JAKMIP3: variants seen among roughly 807,000 people sequenced by gnomAD.
JAKMIP3 encodes the protein janus kinase and microtubule-interacting protein 3.
JAKMIP3 carries 58 observed loss-of-function variants against 118.5 expected under a neutral mutation model. That is an observed-to-expected ratio of 0.49 (90% CI 0.40 to 0.61). JAKMIP3 has a LOEUF of 0.61. Ranked by LOEUF, JAKMIP3 falls within the 20% of genes least tolerant of loss-of-function variation. JAKMIP3 has a pLI of 0.00. For missense variants in JAKMIP3, 950 were observed against 1,109.0 expected (o/e 0.86, Z 2.04); for synonymous variants, 486 against 451.2 (o/e 1.08, Z -0.98).
At chr10:132,050,427 G>A (rs548013629) in intron 1 of JAKMIP3, among the ~76,000 whole-genome samples, 8 of 152,262 alleles carry the variant, frequency 5.3e-5, no homozygotes, top group East Asian at 1.9e-4. Flanking sequence ...GGTTTCTGCC[G>A]GTCGCCTTTG....
chr10:132,165,052 C>T (rs1413479144), intron 21 of JAKMIP3, among the ~76,000 whole-genome samples: 13 of 152,368 alleles, frequency 8.5e-5, no homozygotes, highest in South Asian at 4.1e-4. Context: ...CTGGAGCCAA[C>T]GGCCTCGGGT....
chr10:132,169,955 T>A (rs1447343750), intron 23 of JAKMIP3: 1 of 152,304 alleles, frequency 6.6e-6, no homozygotes, highest in African/African-American at 2.4e-5. Context: ...CGAGGCGGCG[T>A]CCTCGCGGGG....
intron 1 of JAKMIP3, among the ~76,000 whole-genome samples, chr10:132,047,223 T>C (rs1037994998): frequency 2.0e-5 from 3 of 152,284 alleles, no homozygotes; most frequent in Non-Finnish European, 4.4e-5. Flanking sequence ...TGGACTGATA[T>C]AAAGTTGTTT....
intron 1 of JAKMIP3, among the ~76,000 whole-genome samples, chr10:132,045,640 A>G (rs2037885029): frequency 6.6e-6 from 1 of 152,238 alleles, no homozygotes. Flanking sequence ...TTTCAAGAAT[A>G]TACTTTAGCT....
chr10:132,130,610 G>T (rs983870544), intron 3 of JAKMIP3, among the ~76,000 whole-genome samples: 5 of 152,182 alleles, frequency 3.3e-5, no homozygotes, highest in African/African-American at 1.2e-4. Flanking sequence ...ACCTGCTCGG[G>T]GGTTGCAGGT....
At chr10:132,167,849 G>C in intron 22 of JAKMIP3, 104 bp from the exon 23 acceptor site, 12 of 387,738 alleles carry the variant, frequency 3.1e-5, no homozygotes, top group Non-Finnish European at 4.4e-5. Context: ...CTCGCCCCTC[G>C]CCCCTCACCC....
intron 5 of JAKMIP3, 121 bp from the exon 6 acceptor site, chr10:132,135,808 CA>C: frequency 9.0e-7 from 1 of 1,109,782 alleles, no homozygotes; most frequent in Non-Finnish European, 1.3e-6. Context: ...GTGGACTTCC[CA>C]AGTAGAGGGC....
intron 19 of JAKMIP3, among the ~76,000 whole-genome samples, chr10:132,159,081 GTT>G (rs2057457542): frequency 6.8e-6 from 1 of 146,984 alleles, no homozygotes. Flanking sequence ...TGACGCTGGG[GTT>G]GTGTCTTCCC....
intron 1 of JAKMIP3, among the ~76,000 whole-genome samples, chr10:132,083,390 T>C (rs954740166): frequency 6.6e-6 from 1 of 152,208 alleles, no homozygotes; most frequent in Non-Finnish European, 1.5e-5. Flanking sequence ...CGTTTTTTTC[T>C]TGCTAATTTG....
At chr10:132,038,878 G>A (rs1043018973) in intron 1 of JAKMIP3, among the ~76,000 whole-genome samples, 14 of 152,202 alleles carry the variant, frequency 9.2e-5, no homozygotes, top group Middle Eastern at 3.4e-3. Context: ...GTTACGGGGT[G>A]TGGGTGTCCC....
At chr10:132,147,262 C>T (rs1414762783) in intron 13 of JAKMIP3, among the ~76,000 whole-genome samples, 1 of 152,218 alleles carries the variant, frequency 6.6e-6, no homozygotes, top group Non-Finnish European at 1.5e-5. Context: ...CAGAGCAGGT[C>T]CCTCAGTCCC....
Position 132,180,544 on chromosome 10 carries a change from T to TGC in JAKMIP3, c.*1104-1811_*1104-1810dup, listed in dbSNP as rs1554962747. Among the ~76,000 whole-genome samples the TGC allele has an allele frequency of 1.9e-4, 5 of 25,986 alleles. No homozygotes were observed. In the South Asian group the frequency reaches 5.7e-3, roughly 30 times the overall value. 17.0% of individuals were successfully genotyped at this position (25,986 alleles called of 152,430 possible). ...AGAACTGTGTGTGTGTGTGTGTGTG[T>TGC]GCGTGCGTGCATGCGTGTGTGTGCG... On this transcript the variant is annotated intron_variant, in intron 23 of 23. Coordinates refer to ENST00000684848, the MANE Select transcript of JAKMIP3 (RefSeq NM_001323087.2).
upstream of JAKMIP3, among the ~76,000 whole-genome samples, chr10:132,065,787 C>CCT (rs1159622681): frequency 6.6e-6 from 1 of 151,926 alleles, no homozygotes; most frequent in African/African-American, 2.4e-5. This position sits in a 1 kb window ranked among gnomAD's most constrained non-coding sequence, Gnocchi z 5.6. Flanking sequence ...TCAGAGGATG[C>CCT]CTCTGTGCTT....
At chr10:132,134,937 C>T (rs1005428849) in intron 4 of JAKMIP3, 104 bp from the exon 5 acceptor site, 71 of 1,385,564 alleles carry the variant, frequency 5.1e-5, no homozygotes, top group East Asian at 4.2e-4. Flanking sequence ...GGTAAAGGCG[C>T]GCGTCCCACG....
intron 22 of JAKMIP3, among the ~76,000 whole-genome samples, chr10:132,167,395 A>C (rs1238788999): frequency 6.6e-6 from 1 of 152,144 alleles, no homozygotes; most frequent in African/African-American, 2.4e-5. Flanking sequence ...ACTCGGCAGC[A>C]GGCCCTGGGG....
intron 1 of JAKMIP3, among the ~76,000 whole-genome samples, chr10:132,097,837 G>A (rs1353129560): frequency 7.0e-6 from 1 of 143,522 alleles, no homozygotes. Context: ...CAGAACCTAA[G>A]CTTCCTATCA....
intron 2 of JAKMIP3, among the ~76,000 whole-genome samples, chr10:132,109,817 A>G (rs2046577384): frequency 6.6e-6 from 1 of 152,240 alleles, no homozygotes; most frequent in Non-Finnish European, 1.5e-5. Flanking sequence ...CAGCTCACAC[A>G]GCATCTTGGC....
chr10:132,096,092 C>T (rs2043823812), intron 1 of JAKMIP3, among the ~76,000 whole-genome samples: 1 of 152,194 alleles, frequency 6.6e-6, no homozygotes, highest in East Asian at 1.9e-4. Flanking sequence ...GGGATCTGGC[C>T]AGGTGATCCT....
intron 1 of JAKMIP3, among the ~76,000 whole-genome samples, chr10:132,069,366 G>A (rs114357380): frequency 0.013 from 2,023 of 152,196 alleles, 44 homozygotes; most frequent in African/African-American, 0.046. Flanking sequence ...GACCTGTTTC[G>A]TGTTAAGCTG....
Sources: gnomAD v4.1 joint callset for allele counts (sites outside exome capture counted in the v4.1 genomes callset) on GRCh38, gnomAD v4.1.1 for gene constraint, Gnocchi (gnomAD v3.1) non-coding constraint, MANE v1.5 for transcripts, NCBI Gene and HGNC (gene_info 2026-07-23, HGNC 2026-07-21) for gene names.